Variants in MIPOL1 observed in about 807,000 individuals in gnomAD.
The protein encoded by MIPOL1 is mirror-image polydactyly gene 1 protein.
MIPOL1 carries 57 observed loss-of-function variants against 60.9 expected under a neutral mutation model. The ratio of observed to expected loss-of-function variants is 0.94; its 90% CI spans 0.76 to 1.17. The LOEUF is 1.17. Among genes scored for constraint, MIPOL1 ranks in the 50% most tolerant of loss-of-function variants. The pLI is 0.00. For missense variants in MIPOL1, 551 were observed against 511.6 expected, an observed-to-expected ratio of 1.08 and a Z score of -0.74; for synonymous variants, 179 against 168.8, an observed-to-expected ratio of 1.06 and a Z score of -0.47.
At chr14:37,543,548 A>G (rs1401099219) in intron 12 of MIPOL1, among the ~76,000 whole-genome samples, 1 of 152,232 alleles carries the variant, frequency 6.6e-6, no homozygotes, top group East Asian at 1.9e-4. Context: ...AAGTGATGGG[A>G]CTACAGGCGT....
At chr14:37,377,869 A>C (rs2092820061) in intron 10 of MIPOL1, among the ~76,000 whole-genome samples, 1 of 150,526 alleles carries the variant, frequency 6.6e-6, no homozygotes, top group Non-Finnish European at 1.5e-5. Context: ...TGAGTCCAGT[A>C]TTACTGAAGC....
intron 9 of MIPOL1, among the ~76,000 whole-genome samples, chr14:37,367,967 T>A (rs1455921921): frequency 6.6e-6 from 1 of 152,056 alleles, no homozygotes; most frequent in Non-Finnish European, 1.5e-5. Context: ...AATATGTAGA[T>A]CATGTGTCTC....
chr14:37,366,948 T>C (rs969537701), intron 9 of MIPOL1, among the ~76,000 whole-genome samples: 3 of 152,070 alleles, frequency 2.0e-5, no homozygotes, highest in Non-Finnish European at 4.4e-5. Flanking sequence ...GAAATTTGTT[T>C]TGTCTGATAT....
At chr14:37,451,125 C>T (rs1374875598) in intron 11 of MIPOL1, among the ~76,000 whole-genome samples, 1 of 152,134 alleles carries the variant, frequency 6.6e-6, no homozygotes, top group African/African-American at 2.4e-5. Context: ...ATCTATATCA[C>T]ATTTATTCAT....
Position 37,548,917 on chromosome 14 carries a change from T to A in MIPOL1, c.*1946T>A, listed in dbSNP as rs2095554889. ...GAATATGATATTATAAAGTTAAATTTGCAAAATAATTCTAACATCCACTAT... is the reference window on the plus strand; with the variant it reads ...GAATATGATATTATAAAGTTAAATTAGCAAAATAATTCTAACATCCACTAT... On this transcript the variant is annotated 3_prime_UTR_variant, in exon 13 of 13. Transcript: ENST00000684589. 6.6e-6 allele frequency: 1 copy of A among 151,962 alleles called. No individual in the cohort carries two copies. Among genetic ancestry groups the A allele is most frequent in the African/African-American group, 2.4e-5 (1 of 41,438 alleles). 9.4% of individuals were successfully genotyped at this position (151,962 alleles called of 1,614,324 possible).
chr14:37,543,215 G>A (rs928009559), intron 12 of MIPOL1, among the ~76,000 whole-genome samples: 6 of 152,014 alleles, frequency 3.9e-5, no homozygotes, highest in Admixed American at 2.0e-4. Context: ...ATCTACATTG[G>A]TACAGCTCTA....
intron 1 of MIPOL1, among the ~76,000 whole-genome samples, chr14:37,207,950 A>G (rs1294673823): frequency 2.6e-5 from 4 of 152,150 alleles, no homozygotes; most frequent in African/African-American, 9.7e-5. Context: ...TGTTTGTTTT[A>G]TTTCTAAGCT....
chr14:37,225,752 C>T (rs1025864630), intron 1 of MIPOL1, among the ~76,000 whole-genome samples: 29 of 152,170 alleles, frequency 1.9e-4, no homozygotes, highest in African/African-American at 9.7e-5. Context: ...TTTATGCAGT[C>T]GGCTTGAATT....
At chr14:37,231,328 G>A (rs1431935066) in intron 1 of MIPOL1, among the ~76,000 whole-genome samples, 1 of 152,080 alleles carries the variant, frequency 6.6e-6, no homozygotes, top group Admixed American at 6.5e-5. Context: ...CCTCAAGCAG[G>A]ACTCCTGCTT....
At chr14:37,230,204 T>C (rs1464015669) in intron 1 of MIPOL1, among the ~76,000 whole-genome samples, 1 of 152,176 alleles carries the variant, frequency 6.6e-6, no homozygotes, top group Non-Finnish European at 1.5e-5. Flanking sequence ...TACATAAATA[T>C]GCATTTAAAA....
intron 9 of MIPOL1, among the ~76,000 whole-genome samples, chr14:37,309,386 T>C (rs973839720): frequency 2.0e-5 from 3 of 152,146 alleles, no homozygotes; most frequent in Non-Finnish European, 4.4e-5. Context: ...TACACACTTC[T>C]ATGTCACTTC....
chr14:37,456,099 A>T (rs1440092327), intron 11 of MIPOL1, among the ~76,000 whole-genome samples: 2 of 151,540 alleles, frequency 1.3e-5, no homozygotes, highest in Non-Finnish European at 3.0e-5. Flanking sequence ...GGTTTCTTCT[A>T]CGTGATATTA....
At chr14:37,256,209 T>C (rs1269576964) in intron 3 of MIPOL1, among the ~76,000 whole-genome samples, 1 of 151,910 alleles carries the variant, frequency 6.6e-6, no homozygotes, top group African/African-American at 2.4e-5. Context: ...ATTCAAAATT[T>C]TCAGATTAAT....
chr14:37,274,480 A>G (rs1302135110), intron 6 of MIPOL1, among the ~76,000 whole-genome samples: 1 of 151,468 alleles, frequency 6.6e-6, no homozygotes, highest in African/African-American at 2.4e-5. Context: ...CTTCTTTACA[A>G]ATCAAACAAA....
intron 11 of MIPOL1, among the ~76,000 whole-genome samples, chr14:37,489,038 A>G (rs2095000023): frequency 6.6e-6 from 1 of 152,212 alleles, no homozygotes; most frequent in South Asian, 2.1e-4. Context: ...AGTGTTTTCC[A>G]ACTGAGTTCC....
At chr14:37,463,735 GACAAA>G (rs1402235775) in intron 11 of MIPOL1, among the ~76,000 whole-genome samples, 1 of 151,914 alleles carries the variant, frequency 6.6e-6, no homozygotes, top group Non-Finnish European at 1.5e-5. Context: ...AAGCAAATGT[GACAAA>G]AACAAAAATA....
At chr14:37,258,683 G>T (rs1214339991) in intron 3 of MIPOL1, among the ~76,000 whole-genome samples, 1 of 152,042 alleles carries the variant, frequency 6.6e-6, no homozygotes, top group East Asian at 1.9e-4. Flanking sequence ...TGTGCTCATT[G>T]CCTTCATATG....
intron 11 of MIPOL1, among the ~76,000 whole-genome samples, chr14:37,486,651 T>A (rs1466400704): frequency 6.6e-6 from 1 of 152,208 alleles, no homozygotes; most frequent in Non-Finnish European, 1.5e-5. Context: ...TGTATAGGAA[T>A]GCTTGTGATT....
At chr14:37,234,942 A>ATTTTTTTT (rs5807941) in intron 1 of MIPOL1, among the ~76,000 whole-genome samples, 23 of 116,822 alleles carry the variant, frequency 2.0e-4, no homozygotes, top group African/African-American at 2.9e-4. Flanking sequence ...CGTACGGCTA[A>ATTTTTTTT]TTTTTTTTTT....
Sources: gnomAD v4.1 joint callset for allele counts (sites outside exome capture counted in the v4.1 genomes callset) on GRCh38, gnomAD v4.1.1 for gene constraint, MANE v1.5 for transcripts, NCBI Gene and HGNC (gene_info 2026-07-23, HGNC 2026-07-21) for gene names.